LZTR1: variants seen among roughly 807,000 people sequenced by gnomAD.
LZTR1 encodes the protein leucine-zipper-like transcriptional regulator 1.
In LZTR1, 260 loss-of-function variants were observed where a neutral mutation model predicts 105.7. The observed-to-expected ratio is 2.46, with a 90% CI of 2.22 to 2.72. LZTR1 has a LOEUF of 2.72. Among genes scored for constraint, LZTR1 ranks in the 30% most tolerant of loss-of-function variants. LZTR1 has a pLI of 0.00. For missense variants in LZTR1, 1,214 were observed against 1,166.9 expected (o/e 1.04, Z -0.59); for synonymous variants, 490 against 476.4 (o/e 1.03, Z -0.37).
intron 18 of LZTR1, 133 bp downstream of exon 18, chr22:20,996,245 T>C: frequency 2.0e-6 from 2 of 1,014,882 alleles, no homozygotes; most frequent in Non-Finnish European, 2.9e-6. Flanking sequence ...GAGGGTTTGC[T>C]GGTGCCTGGG....
chr22:20,988,162 G>C, intron 5 of LZTR1, 44 bp downstream of exon 5: 1 of 1,321,592 alleles, frequency 7.6e-7, no homozygotes, highest in East Asian at 2.3e-5. Flanking sequence ...TGGGTCCTGG[G>C]TGGCATTGGA....
chr22:20,991,310 C>G (rs1924596717), intron 8 of LZTR1: 1 of 382,484 alleles, frequency 2.6e-6, no homozygotes, highest in Non-Finnish European at 4.8e-6. Flanking sequence ...CTCTGCACAA[C>G]TTTACTCCCC....
chr22:20,993,589 G>A (rs1468254519), intron 11 of LZTR1, 73 bp from the exon 12 acceptor site: 1 of 1,324,998 alleles, frequency 7.5e-7, no homozygotes, highest in African/African-American at 1.4e-5. Context: ...GGGACCTCAG[G>A]GTCGGCCTGC....
chr22:20,993,713 G>T lies in LZTR1; in HGVS notation c.1312G>T (p.Glu438Ter), dbSNP rs1924687245. The change falls in exon 12 of 21, where the codon GAG (glutamate) becomes TAG (stop). Residue 438 changes from glutamate to a stop codon, truncating the protein, a stop_gained. Transcript: ENST00000646124. LOFTEE classifies it high-confidence loss of function. ...GCACGAGGACTACGGGCGGCTGTGG[G>T]AGAGCCGCCAGTTCTGCGACGTGGA... ...TLHEDYGRLW[E>*]SRQFCDVEFV... 3 of 1,613,382 alleles carry T rather than the reference G, an allele frequency of 1.9e-6. No homozygotes were observed. The highest frequency in any genetic ancestry group is 1.3e-5 in the African/African-American group (1 of 74,946).
intron 11 of LZTR1, 134 bp from the exon 12 acceptor site, chr22:20,993,528 C>G: frequency 1.5e-6 from 1 of 684,380 alleles, no homozygotes; most frequent in South Asian, 1.7e-5. Flanking sequence ...TTCCTCTCCT[C>G]AGCCAGGCCC....
At position 20,997,587 on chromosome 22, in the gene LZTR1, C is replaced by A; in HGVS notation, c.*239C>A. On this transcript the variant is annotated 3_prime_UTR_variant, in exon 21 of 21. Transcript: ENST00000646124. ...AAGCAGACCCCCTCCTGTCATCACCCTCTCCTGGTGTAGTGTGGATGCGAG... is the reference window on the plus strand; with the variant it reads ...AAGCAGACCCCCTCCTGTCATCACCATCTCCTGGTGTAGTGTGGATGCGAG... 1 of 477,110 alleles carries A rather than the reference C, an allele frequency of 2.1e-6. No homozygotes were observed. Among genetic ancestry groups the A allele is most frequent in the Non-Finnish European group, 3.9e-6 (1 of 259,436 alleles). 29.6% of individuals were successfully genotyped at this position (477,110 alleles called of 1,614,324 possible). A position where few individuals can be genotyped will look rare whatever the true frequency, so the allele number is the denominator to read the frequency against.
chr22:20,983,815 T>G (rs1446338367), intron 2 of LZTR1, among the ~76,000 whole-genome samples: 1 of 152,188 alleles, frequency 6.6e-6, no homozygotes, highest in Non-Finnish European at 1.5e-5. Flanking sequence ...TCCCCTGGCT[T>G]CAAGCCTGTC....
chr22:20,987,499 C>G lies in LZTR1; in HGVS notation c.321-5C>G, dbSNP rs758140794. On this transcript the variant is annotated splice_region_variant and splice_polypyrimidine_tract_variant and intron_variant, in intron 3 of 20. Coordinates refer to ENST00000646124, the MANE Select transcript of LZTR1 (RefSeq NM_006767.4). ...TGACTCTCACCACCCCTGTGCCCAC[C>G]CCAGGGCCTTTACCACTGGGACCCC... 1.2e-6 allele frequency: 2 copies of G among 1,608,424 alleles called. No homozygotes were observed. Among genetic ancestry groups the G allele is most frequent in the Admixed American group, 1.7e-5 (1 of 60,008 alleles).
At chr22:20,991,452 C>T (rs1394316463) in intron 8 of LZTR1, 176 bp from the exon 9 acceptor site, 44 of 596,624 alleles carry the variant, frequency 7.4e-5, no homozygotes, top group East Asian at 3.7e-4. Flanking sequence ...GGCTGGTGCC[C>T]GTGCTGGATG....
intron 10 of LZTR1, 44 bp downstream of exon 10, chr22:20,992,413 C>G (rs779516250): frequency 6.3e-7 from 1 of 1,577,496 alleles, no homozygotes; most frequent in South Asian, 1.1e-5. Context: ...CCCCCTGAAA[C>G]AGGTCCTGTG....
chr22:20,987,209 C>G (rs1438083500), intron 3 of LZTR1: 1 of 285,058 alleles, frequency 3.5e-6, no homozygotes. Flanking sequence ...GCCTGGCCAA[C>G]ATGGTGAAAC....
intron 16 of LZTR1, chr22:20,995,411 C>T (rs527431743): frequency 1.5e-5 from 9 of 615,584 alleles, no homozygotes; most frequent in East Asian, 7.3e-5. Flanking sequence ...GTGCTGACCC[C>T]GGTTGCTGGC....
intron 11 of LZTR1, 199 bp from the exon 12 acceptor site, chr22:20,993,463 T>C (rs1387255318): frequency 1.0e-5 from 6 of 596,906 alleles, no homozygotes; most frequent in Non-Finnish European, 1.8e-5. Flanking sequence ...CCGTGGACAG[T>C]TGCAGGTGCT....
chr22:20,997,263 G>T lies in LZTR1; in HGVS notation c.2438G>T (p.Ser813Ile), dbSNP rs2147970970. The T allele has an allele frequency of 2.5e-6, 4 of 1,613,556 alleles. No homozygotes were observed. Among genetic ancestry groups the T allele is most frequent in the Non-Finnish European group, 3.4e-6 (4 of 1,179,642 alleles). Residue 813 changes from serine to isoleucine, a missense_variant, in exon 21 of 21, where the codon AGC (serine) becomes ATC (isoleucine). Physicochemically the swap from Ser to Ile is moderately radical, Grantham distance 142. Coordinates refer to ENST00000646124, the MANE Select transcript of LZTR1 (RefSeq NM_006767.4). Reference protein sequence around the residue: ...VSKLPTLRSLSQQLLLDIIDS... With the variant: ...VSKLPTLRSLIQQLLLDIIDS... ...AAGTTGCCCACCCTGCGGTCGCTGAGCCAGCAGCTGCTGCTGGACATCATA... is the reference window on the plus strand; with the variant it reads ...AAGTTGCCCACCCTGCGGTCGCTGATCCAGCAGCTGCTGCTGGACATCATA...
intron 7 of LZTR1, 131 bp from the exon 8 acceptor site, chr22:20,990,255 C>T (rs546650583): frequency 1.9e-6 from 2 of 1,056,938 alleles, no homozygotes; most frequent in Non-Finnish European, 2.9e-6. Flanking sequence ...TGTTCCAAGA[C>T]AAAGGAATCT....
chr22:20,994,951 CCACT>C lies in LZTR1; in HGVS notation c.1868_1871del (p.Pro623ArgfsTer2), dbSNP rs756284047. ...GAAGGAGTTCGAGCGCCTCTCCTCT[CCACT>C]GATAGTGGAGATTGTGCGGCGGAAG... On this transcript the variant is annotated frameshift_variant, in exon 16 of 21. Transcript: ENST00000646124. LOFTEE classifies it high-confidence loss of function. 6.2e-7 allele frequency: 1 copy of C among 1,613,340 alleles called. No individual in the cohort carries two copies. The highest frequency in any genetic ancestry group is 1.1e-5 in the South Asian group (1 of 91,092).
intron 12 of LZTR1, 50 bp downstream of exon 12, chr22:20,993,804 G>A: frequency 6.3e-7 from 1 of 1,579,602 alleles, no homozygotes. Flanking sequence ...CTGGGCAGTG[G>A]GAATTTCGCC....
Position 20,994,866 on chromosome 22 carries a change from C to T in LZTR1, c.1786-4C>T, listed in dbSNP as rs980847802. 22 of 1,612,994 alleles carry T rather than the reference C, an allele frequency of 1.4e-5. No individual in the cohort carries two copies. Among genetic ancestry groups the T allele is most frequent in the Non-Finnish European group, 1.8e-5 (21 of 1,179,894 alleles). On this transcript the variant is annotated splice_polypyrimidine_tract_variant and splice_region_variant and intron_variant, in intron 15 of 20. Transcript: ENST00000646124. ...GCCTGCCTGCCTGTGCCTGTCTGCC[C>T]CAGGAGCACTGCCTGAACTTCGTGG...
At chr22:20,985,740 A>C in intron 2 of LZTR1, 101 bp from the exon 3 acceptor site, 1 of 1,114,550 alleles carries the variant, frequency 9.0e-7, no homozygotes, top group Middle Eastern at 2.0e-4. Flanking sequence ...CCCAGCCCAC[A>C]ACAGCCCCCT....
Sources: gnomAD v4.1 joint callset for allele counts (sites outside exome capture counted in the v4.1 genomes callset) on GRCh38, gnomAD v4.1.1 for gene constraint, MANE v1.5 for transcripts, NCBI Gene and HGNC (gene_info 2026-07-23, HGNC 2026-07-21) for gene names.